The following CCDC13 variants were observed in gnomAD, a reference collection of about 807,000 sequenced individuals.
The protein encoded by CCDC13 is coiled-coil domain-containing protein 13.
In CCDC13, 70 loss-of-function variants were observed where a neutral mutation model predicts 87.3. That is an observed-to-expected ratio of 0.80 (90% CI 0.66 to 0.98). The LOEUF is 0.98. Among genes scored for constraint, CCDC13 ranks in the 50% least tolerant of loss-of-function variants. The pLI, the probability that CCDC13 is intolerant of heterozygous loss-of-function variation, is 0.00. For missense variants in CCDC13, 842 were observed against 892.0 expected (o/e 0.94, Z 0.71); for synonymous variants, 317 against 360.3 (o/e 0.88, Z 1.36).
chr3:42,761,872 C>T (rs928945777), intron 1 of CCDC13, among the ~76,000 whole-genome samples: 1 of 152,200 alleles, frequency 6.6e-6, no homozygotes, highest in Non-Finnish European at 1.5e-5. Context: ...TCCTCCTACA[C>T]CCAGCATGAA....
At chr3:42,771,512 T>C (rs910061336) in intron 1 of CCDC13, among the ~76,000 whole-genome samples, 1 of 152,148 alleles carries the variant, frequency 6.6e-6, no homozygotes, top group Admixed American at 6.5e-5. Context: ...CTCAACACTC[T>C]ACGAAGCCAA....
At chr3:42,740,396 G>A (rs1003284264) in intron 8 of CCDC13, among the ~76,000 whole-genome samples, 3 of 152,050 alleles carry the variant, frequency 2.0e-5, no homozygotes, top group African/African-American at 7.2e-5. Context: ...CTTCATTCTC[G>A]AGGGTTTCCT....
chr3:42,705,671 GC>G (rs1698161523), downstream of CCDC13, among the ~76,000 whole-genome samples: 1 of 152,168 alleles, frequency 6.6e-6, no homozygotes, highest in Non-Finnish European at 1.5e-5. Flanking sequence ...CACACCTGTT[GC>G]CCACCTGCCT....
rs552807613 is a variant in CCDC13 at position 42,723,574 on chromosome 3, A to G, written c.1718+6893T>C. Among the ~76,000 whole-genome samples, 6 of 152,332 alleles carry G rather than the reference A, an allele frequency of 3.9e-5. No individual in the cohort carries two copies. In the South Asian group the frequency reaches 1.2e-3, roughly 32 times the overall value. ...TAGAGGAAAAAAGAAAGAACATTAAATTCAATGGCATTGTAAGAGAGTAAC... is the reference window on the plus strand; with the variant it reads ...TAGAGGAAAAAAGAAAGAACATTAAGTTCAATGGCATTGTAAGAGAGTAAC... On this transcript the variant is annotated intron_variant, in intron 13 of 15. Coordinates refer to ENST00000310232, the MANE Select transcript of CCDC13 (RefSeq NM_144719.4).
In CCDC13 at chr3:42,735,922, C is replaced by G. The variant is rs1447457796; in HGVS notation, c.1165-9G>C. 6.8e-6 allele frequency: 11 copies of G among 1,610,828 alleles called. No individual in the cohort carries two copies. Among genetic ancestry groups the G allele is most frequent in the Non-Finnish European group, 8.5e-6 (10 of 1,178,710 alleles). ...AGCTGCTTCAGCTGGTCCTGGGGGGCCAGGCAGGAGGGCAGGTGGAGTCAG... is the reference window on the plus strand; with the variant it reads ...AGCTGCTTCAGCTGGTCCTGGGGGGGCAGGCAGGAGGGCAGGTGGAGTCAG... On this transcript the variant is annotated splice_polypyrimidine_tract_variant and intron_variant, in intron 9 of 15. Coordinates refer to ENST00000310232, the MANE Select transcript of CCDC13 (RefSeq NM_144719.4).
chr3:42,725,801 T>C (rs191834318), intron 13 of CCDC13, among the ~76,000 whole-genome samples: 31 of 151,954 alleles, frequency 2.0e-4, no homozygotes, highest in Admixed American at 1.9e-3. Flanking sequence ...GGTCATCACC[T>C]AAGAACTCCT....
intron 4 of CCDC13, 103 bp downstream of exon 4, chr3:42,752,472 T>C: frequency 6.8e-7 from 1 of 1,467,334 alleles, no homozygotes; most frequent in Admixed American, 1.9e-5. Flanking sequence ...CCTCTTAACC[T>C]TCCAACTTCA....
intron 14 of CCDC13, among the ~76,000 whole-genome samples, chr3:42,711,304 T>C (rs1698309168): frequency 7.4e-6 from 1 of 134,242 alleles, no homozygotes; most frequent in South Asian, 2.6e-4. Context: ...TTGGGCAAAA[T>C]CACAGCATCA....
chr3:42,745,805 G>A (rs1156779153), intron 7 of CCDC13, 118 bp downstream of exon 7: 1 of 685,094 alleles, frequency 1.5e-6, no homozygotes, highest in Non-Finnish European at 2.5e-6. Flanking sequence ...TGCACTGTGA[G>A]ACCTAAAGGC....
chr3:42,736,032 T>G (rs1699003466), intron 9 of CCDC13, 119 bp from the exon 10 acceptor site: 1 of 906,440 alleles, frequency 1.1e-6, no homozygotes, highest in Non-Finnish European at 1.7e-6. Context: ...AGTGGGATCC[T>G]GTTCCCTCGA....
chr3:42,733,564 C>A lies in CCDC13; in HGVS notation c.1417G>T (p.Val473Phe). 3.1e-6 allele frequency: 5 copies of A among 1,613,456 alleles called. No individual in the cohort carries two copies. Among genetic ancestry groups the A allele is most frequent in the Non-Finnish European group, 4.2e-6 (5 of 1,179,688 alleles). ...GVGEGSSGRE[V>F]SPAYTQFLED... Reference sequence around the variant, plus strand: ...AGGAACTGGGTATAGGCAGGGCTGACCTCGCGGCCACTGGACCCCTCACCC... The same window carrying A: ...AGGAACTGGGTATAGGCAGGGCTGAACTCGCGGCCACTGGACCCCTCACCC... Residue 473 changes from valine to phenylalanine, a missense_variant, in exon 11 of 16, where the codon GTC becomes TTC. Physicochemically the swap from Val to Phe is conservative, Grantham distance 50. Transcript: ENST00000310232.
intron 1 of CCDC13, among the ~76,000 whole-genome samples, chr3:42,761,840 C>T (rs1482790114): frequency 6.6e-6 from 1 of 152,170 alleles, no homozygotes; most frequent in Non-Finnish European, 1.5e-5. Flanking sequence ...TCCTTCTCCC[C>T]CCAAGGCTTA....
intron 13 of CCDC13, among the ~76,000 whole-genome samples, chr3:42,725,471 C>T (rs527402523): frequency 6.8e-6 from 1 of 147,578 alleles, no homozygotes; most frequent in Non-Finnish European, 1.5e-5. Context: ...GAAGTTGAGG[C>T]TGCAGTGAGC....
intron 13 of CCDC13, among the ~76,000 whole-genome samples, chr3:42,716,860 C>A (rs1253334045): frequency 6.6e-6 from 1 of 152,128 alleles, no homozygotes; most frequent in Non-Finnish European, 1.5e-5. Flanking sequence ...CAAACAGGTA[C>A]TTGTACAGCA....
chr3:42,711,055 G>A (rs549639470), intron 14 of CCDC13, among the ~76,000 whole-genome samples: 107 of 150,900 alleles, frequency 7.1e-4, no homozygotes, highest in African/African-American at 2.3e-3. Context: ...AGACCAGCCC[G>A]GCCAACATGG....
At chr3:42,734,147 C>A (rs1698921459) in intron 10 of CCDC13, among the ~76,000 whole-genome samples, 1 of 152,148 alleles carries the variant, frequency 6.6e-6, no homozygotes, top group South Asian at 2.1e-4. Flanking sequence ...TGGGGCTGGA[C>A]TGGACAGGAA....
intron 8 of CCDC13, 42 bp from the exon 9 acceptor site, chr3:42,739,852 G>A: frequency 6.3e-7 from 1 of 1,589,682 alleles, no homozygotes; most frequent in Non-Finnish European, 8.6e-7. Flanking sequence ...GGGCTGTGTG[G>A]GACCTTGGCC....
chr3:42,735,731 C>T lies in CCDC13; in HGVS notation c.1347G>A (p.Met449Ile), dbSNP rs1416999379. 4 of 1,614,206 alleles carry T rather than the reference C, an allele frequency of 2.5e-6. No individual in the cohort carries two copies. The highest frequency in any genetic ancestry group is 2.5e-6 in the Non-Finnish European group (3 of 1,180,040). ...EREAKVRQLE[M>I]EIGQLNVHYL... The stretch of plus-strand genomic sequence containing the variant: ...CGTGCACATTGAGTTGTCCGATCTC[C>T]ATCTCCAGCTGTCGCACTTTGGCCT... The change falls in exon 10 of 16, where the codon ATG becomes ATA. Residue 449 changes from methionine (M) to isoleucine (I), a missense_variant. By Grantham distance (10) the Met-to-Ile change is conservative. Transcript: ENST00000310232.
At chr3:42,763,355 C>T (rs1339999102) in intron 1 of CCDC13, among the ~76,000 whole-genome samples, 1 of 152,208 alleles carries the variant, frequency 6.6e-6, no homozygotes, top group Admixed American at 6.5e-5. Context: ...TAGTTTAACA[C>T]ATCCCACAGA....
Sources: gnomAD v4.1 joint callset for allele counts (sites outside exome capture counted in the v4.1 genomes callset) on GRCh38, gnomAD v4.1.1 for gene constraint, MANE v1.5 for transcripts, NCBI Gene and HGNC (gene_info 2026-07-23, HGNC 2026-07-21) for gene names.